Variants in FBN2 observed in about 807,000 individuals in gnomAD.
The protein encoded by FBN2 is fibrillin 2.
FBN2 carries 105 observed loss-of-function variants against 355.6 expected under a neutral mutation model. The observed-to-expected ratio is 0.30, with a 90% confidence interval of 0.25 to 0.35. The LOEUF (loss-of-function observed/expected upper bound fraction) is 0.35, where lower values mean the gene tolerates loss of function less well. Ranked by LOEUF, FBN2 falls within the 10% of genes least tolerant of loss-of-function variation. FBN2 has a pLI of 1.00. For synonymous variants in FBN2, 1,350 were observed against 1,301.2 expected, an observed-to-expected ratio of 1.04 and a Z score of -0.81; for missense variants, 3,280 against 3,758.7, an observed-to-expected ratio of 0.87 and a Z score of 3.33.
intron 5 of FBN2, among the ~76,000 whole-genome samples, chr5:128,478,419 T>C (rs766303519): frequency 2.0e-4 from 31 of 152,230 alleles, no homozygotes; most frequent in Non-Finnish European, 3.5e-4. Context: ...TTTTTTTCTT[T>C]TGGTAACCTT....
At chr5:128,282,317 A>C (rs1356536138) in intron 55 of FBN2, among the ~76,000 whole-genome samples, 1 of 152,156 alleles carries the variant, frequency 6.6e-6, no homozygotes, top group Admixed American at 6.5e-5. Flanking sequence ...TACAAAAGTA[A>C]TGAGTTATGA....
chr5:128,408,592 T>G, intron 8 of FBN2, 82 bp downstream of exon 8: 1 of 1,491,334 alleles, frequency 6.7e-7, no homozygotes, highest in Non-Finnish European at 9.4e-7. Context: ...TATTTTATAA[T>G]CGTTGCCATC....
At chr5:128,335,432 C>A (rs781333147) in intron 29 of FBN2, 23 bp downstream of exon 29, 15 of 1,614,040 alleles carry the variant, frequency 9.3e-6, no homozygotes, top group South Asian at 2.2e-5. Flanking sequence ...ATGTACAAAA[C>A]CTGTGTGTTT....
Position 128,528,313 on chromosome 5 carries a change from C to G in FBN2, c.437-346G>C, listed in dbSNP as rs1383488077. ...CCCACCATTCCAGCTCAGTGCAGTA[C>G]TGTCATAATGGACTTGAAAGCTATC... On this transcript the variant is annotated intron_variant, in intron 3 of 64. Transcript: ENST00000262464. Among the ~76,000 whole-genome samples, 7 of 152,296 alleles carry G rather than the reference C, an allele frequency of 4.6e-5. No homozygotes were observed. The South Asian group carries it at 1.4e-3, about 32-fold the overall frequency.
chr5:128,504,293 G>A (rs1581354935), intron 5 of FBN2, among the ~76,000 whole-genome samples: 1 of 152,182 alleles, frequency 6.6e-6, no homozygotes. Flanking sequence ...TCCCCACTGG[G>A]ACACTGTCTA....
In FBN2 at chr5:128,345,414, G is replaced by A. The variant is rs869025427; in HGVS notation, c.3160C>T (p.Arg1054Cys). The change falls in exon 24 of 65, where the codon CGC becomes TGC. Residue 1054 changes from arginine (R) to cysteine (C), a missense_variant. By Grantham distance (180) the Arg-to-Cys change is radical. Transcript: ENST00000262464. The part of the protein sequence containing the change: ...GTKEYETLCP[R>C]GAGFANRGDV... ...CCTCGGTTAGCAAAGCCAGCCCCGC[G>A]GGGGCACAGCGTCTCGTATTCCTTG... 6.2e-7 allele frequency: 1 copy of A among 1,614,072 alleles called. No homozygotes were observed. The highest frequency in any genetic ancestry group is 8.5e-7 in the Non-Finnish European group (1 of 1,179,992).
intron 20 of FBN2, 112 bp downstream of exon 20, chr5:128,357,164 T>A: frequency 7.6e-7 from 1 of 1,322,012 alleles, no homozygotes; most frequent in South Asian, 1.2e-5. Context: ...TAACATAATG[T>A]GTAATTCTTT....
rs1752087338 is a variant in FBN2 at position 128,376,758 on chromosome 5, A to G, written c.1945T>C (p.Leu649=). ...FKCICKPGFV[L]APNGRYCTDV... ...GTACAGTAACGCCCATTTGGAGCCA[A>G]GACAAATCCTGGTTTGCAGATGCAC... Residue 649 remains leucine, a synonymous_variant, in exon 14 of 65, where the codon TTG becomes CTG. Coordinates refer to ENST00000262464, the MANE Select transcript of FBN2 (RefSeq NM_001999.4). The G allele has an allele frequency of 1.2e-6, 2 of 1,613,748 alleles. No homozygotes were observed. Among genetic ancestry groups the G allele is most frequent in the East Asian group, 4.5e-5 (2 of 44,868 alleles).
intron 46 of FBN2, among the ~76,000 whole-genome samples, chr5:128,302,514 G>C (rs115852348): frequency 6.6e-6 from 1 of 152,142 alleles, no homozygotes. Flanking sequence ...GTGGGGAAAG[G>C]CATTCTGGCT....
chr5:128,274,499 A>T (rs1304121112), intron 60 of FBN2, 68 bp downstream of exon 60: 8 of 862,294 alleles, frequency 9.3e-6, no homozygotes, highest in African/African-American at 3.3e-5. Flanking sequence ...TCTGTTTATA[A>T]TTTTAAATAT....
At chr5:128,292,818 C>T (rs796372990) in intron 48 of FBN2, among the ~76,000 whole-genome samples, 6 of 152,254 alleles carry the variant, frequency 3.9e-5, no homozygotes, top group African/African-American at 1.2e-4. Flanking sequence ...ATCATCAATC[C>T]TCTGTGACAG....
chr5:128,291,495 T>C, intron 49 of FBN2, 34 bp downstream of exon 49: 1 of 1,612,576 alleles, frequency 6.2e-7, no homozygotes, highest in Non-Finnish European at 8.5e-7. Flanking sequence ...TTTCTAAGCG[T>C]GAACTGTGAC....
At chr5:128,500,954 A>G (rs191529751) in intron 5 of FBN2, among the ~76,000 whole-genome samples, 1 of 152,320 alleles carries the variant, frequency 6.6e-6, no homozygotes, top group African/African-American at 2.4e-5. Context: ...ACAGAATTAT[A>G]TCATCACACA....
At chr5:128,515,394 A>T (rs1756254582) in intron 5 of FBN2, among the ~76,000 whole-genome samples, 1 of 152,172 alleles carries the variant, frequency 6.6e-6, no homozygotes, top group African/African-American at 2.4e-5. Context: ...GATCTTACAC[A>T]TCTGCTAAAT....
At chr5:128,328,448 TAAA>T (rs1250389816) in intron 34 of FBN2, 9 of 610,038 alleles carry the variant, frequency 1.5e-5, no homozygotes, top group Non-Finnish European at 2.6e-5. Flanking sequence ...AAGAAATGGT[TAAA>T]AAAGAAAAAA....
At chr5:128,461,285 A>T (rs1754547571) in intron 6 of FBN2, among the ~76,000 whole-genome samples, 2 of 152,214 alleles carry the variant, frequency 1.3e-5, no homozygotes. Context: ...GATAAATGCA[A>T]ATCAAAACCA....
intron 45 of FBN2, among the ~76,000 whole-genome samples, chr5:128,303,748 A>G (rs1463197982): frequency 1.3e-5 from 2 of 152,212 alleles, no homozygotes; most frequent in African/African-American, 2.4e-5. Flanking sequence ...GGTCTTACTG[A>G]AGAATCTGAC....
intron 61 of FBN2, among the ~76,000 whole-genome samples, chr5:128,273,346 G>T (rs757055772): frequency 1.3e-5 from 2 of 152,204 alleles, no homozygotes; most frequent in Non-Finnish European, 1.5e-5. Context: ...AAGGTCCACT[G>T]TAAGAAAGTG....
At chr5:128,374,119 T>A (rs539366605) in intron 15 of FBN2, among the ~76,000 whole-genome samples, 106 of 152,150 alleles carry the variant, frequency 7.0e-4, no homozygotes, top group African/African-American at 2.3e-3. Context: ...AAAAATATAT[T>A]TTTTCTTCTC....
Sources: allele counts gnomAD v4.1 joint callset (sites outside exome capture counted in the v4.1 genomes callset), GRCh38; gene constraint gnomAD v4.1.1; transcripts MANE v1.5; gene names NCBI Gene and HGNC (gene_info 2026-07-23, HGNC 2026-07-21).